The following ERI1 variants were observed in gnomAD, a reference collection of about 807,000 sequenced individuals.
ERI1 encodes exoribonuclease 1, also known as 3'-5' exoribonuclease 1.
Under a neutral mutation model 39.7 loss-of-function variants are expected in ERI1, and 39 were observed. That is an observed-to-expected ratio of 0.98 (90% CI 0.76 to 1.28). The LOEUF is 1.28. Ranked by LOEUF, ERI1 falls within the 50% of genes most tolerant of loss-of-function variation. The probability of loss-of-function intolerance (pLI) is 0.00; values close to 1 mark genes in which losing one functional copy is unlikely to be tolerated. For missense variants in ERI1, 581 were observed against 416.9 expected (o/e 1.39, Z -3.43); for synonymous variants, 204 against 149.6 (o/e 1.36, Z -2.65).
chr8:9,032,470 T>G lies in ERI1; in HGVS notation c.*2436T>G, dbSNP rs1797656697. 1 of 152,226 alleles carries G rather than the reference T, an allele frequency of 6.6e-6. No homozygotes were observed. The highest frequency in any genetic ancestry group is 1.5e-5 in the Non-Finnish European group (1 of 68,040). The allele number at this position is 152,226 out of a possible 1,614,324, so 9.4% of individuals were successfully genotyped here. A position where few individuals can be genotyped will look rare whatever the true frequency, so the allele number is the denominator to read the frequency against. On this transcript the variant is annotated 3_prime_UTR_variant, in exon 7 of 7. Transcript: ENST00000250263. ...ATTTGTGTTCTGTTGGATCAAGTAT[T>G]TAACATTTGCTCTGAAAAAAATGTT...
At position 9,005,934 on chromosome 8, in the gene ERI1, TG is replaced by T. The variant is rs1815971780; in HGVS notation, c.109-2035del. ...CCATACATCCACTTAATTGAATACGTGAATATTGCAAAATGTTACAGTTCTG... is the reference window on the plus strand; with the variant it reads ...CCATACATCCACTTAATTGAATACGTAATATTGCAAAATGTTACAGTTCTG... On this transcript the variant is annotated intron_variant, in intron 1 of 6. Coordinates refer to ENST00000250263, the MANE Select transcript of ERI1 (RefSeq NM_153332.4). 2.6e-5 allele frequency among the ~76,000 whole-genome samples: 4 copies of T among 152,352 alleles called. No individual in the cohort carries two copies. In the South Asian group the frequency reaches 8.3e-4, roughly 32 times the overall value.
intron 6 of ERI1, among the ~76,000 whole-genome samples, chr8:9,026,548 CAT>C (rs1426543144): frequency 5.3e-5 from 8 of 152,114 alleles, no homozygotes; most frequent in South Asian, 4.1e-4. Context: ...CATGTTGTAT[CAT>C]GTGTCAGAAT....
chr8:9,087,483 G>A (rs576769484), intron 3 of ERI1, among the ~76,000 whole-genome samples: 4 of 141,192 alleles, frequency 2.8e-5, no homozygotes, highest in Non-Finnish European at 4.5e-5. Context: ...GGCTGGTCTC[G>A]AACTCCTGAC....
intron 3 of ERI1, among the ~76,000 whole-genome samples, chr8:9,057,546 C>T (rs960598367): frequency 1.3e-5 from 2 of 152,160 alleles, no homozygotes; most frequent in Non-Finnish European, 2.9e-5. Context: ...GGCATCTAGT[C>T]ATTTGCTGAT....
intron 3 of ERI1, among the ~76,000 whole-genome samples, chr8:9,039,655 T>G (rs1352223883): frequency 1.3e-5 from 2 of 152,202 alleles, no homozygotes. Flanking sequence ...AACTAAGGTA[T>G]TTGGCTTTTG....
intron 3 of ERI1, among the ~76,000 whole-genome samples, chr8:9,089,496 A>G (rs771259057): frequency 2.0e-5 from 3 of 152,170 alleles, no homozygotes; most frequent in Non-Finnish European, 4.4e-5. Flanking sequence ...TCCATAGACC[A>G]CTGGTGGTTC....
intron 3 of ERI1, among the ~76,000 whole-genome samples, chr8:9,053,688 C>T (rs1305710684): frequency 4.6e-5 from 7 of 152,220 alleles, no homozygotes; most frequent in South Asian, 4.1e-4. Context: ...TGGCCCTGGA[C>T]GTTTTGTGGA....
chr8:9,011,772 T>A lies in ERI1; in HGVS notation c.498+20T>A. 6.5e-7 allele frequency: 1 copy of A among 1,541,598 alleles called. No homozygotes were observed. Among genetic ancestry groups the A allele is most frequent in the African/African-American group, 1.4e-5 (1 of 72,548 alleles). On this transcript the variant is annotated intron_variant, in intron 3 of 6. Coordinates refer to ENST00000250263, the MANE Select transcript of ERI1 (RefSeq NM_153332.4). ...GAAATAGTAAGTGAATTTTTGTATT[T>A]TAATTGTATTTCTAGCAGCAACTAT... is the stretch of plus-strand genomic sequence containing the variant.
Position 9,008,005 on chromosome 8 carries a change from A to C in ERI1, c.144A>C (p.Thr48=). The change falls in exon 2 of 7, where the codon ACA becomes ACC. Residue 48 remains threonine, a synonymous_variant. Coordinates refer to ENST00000250263, the MANE Select transcript of ERI1 (RefSeq NM_153332.4). ...AGTGTAAATTTGATGGCCAGGAGAC[A>C]AAAGGATCCAAGTTCATTACCTCCA... ...TQQCKFDGQE[T]KGSKFITSSA... 1.2e-6 allele frequency: 2 copies of C among 1,606,142 alleles called. No homozygotes were observed. The highest frequency in any genetic ancestry group is 1.1e-5 in the South Asian group (1 of 89,806).
intron 3 of ERI1, among the ~76,000 whole-genome samples, chr8:9,039,208 C>G (rs1797944165): frequency 6.6e-6 from 1 of 152,268 alleles, no homozygotes; most frequent in South Asian, 2.1e-4. Flanking sequence ...TTGGGAAAAT[C>G]CAACCTGTTA....
chr8:9,055,400 A>AGTTCTGT (rs1798475031), intron 3 of ERI1, among the ~76,000 whole-genome samples: 1 of 152,240 alleles, frequency 6.6e-6, no homozygotes, highest in Admixed American at 6.5e-5. Context: ...ACTGATGGTA[A>AGTTCTGT]TAAACGGAAT....
chr8:9,035,660 A>G (rs1797820008), downstream of ERI1, among the ~76,000 whole-genome samples: 1 of 152,248 alleles, frequency 6.6e-6, no homozygotes, highest in South Asian at 2.1e-4. Context: ...TGTTGGTTTT[A>G]ATGCCTACAA....
rs1797503956 is a variant in ERI1 at position 9,030,404 on chromosome 8, A to T, written c.*370A>T. On this transcript the variant is annotated 3_prime_UTR_variant, in exon 7 of 7. Transcript: ENST00000250263. ...AAATATGTAATGTGTTTCTTTATTA[A>T]CATCACTAGATGAAACCATATCTTA... The T allele has an allele frequency of 5.2e-6, 1 of 191,692 alleles. No individual in the cohort carries two copies. Among genetic ancestry groups the T allele is most frequent in the Non-Finnish European group, 1.1e-5 (1 of 89,486 alleles). 11.9% of individuals were successfully genotyped at this position (191,692 alleles called of 1,614,324 possible). A position where few individuals can be genotyped will look rare whatever the true frequency, so the allele number is the denominator to read the frequency against.
chr8:9,048,577 C>T (rs1320826691), intron 3 of ERI1: 1 of 153,680 alleles, frequency 6.5e-6, no homozygotes, highest in Admixed American at 6.5e-5. Context: ...CAGATAACAG[C>T]TGATGTGTGA....
At position 9,007,927 on chromosome 8, in the gene ERI1, A is replaced by T. The variant is rs1816194006; in HGVS notation, c.109-43A>T. The T allele has an allele frequency of 1.9e-6, 3 of 1,549,668 alleles. No individual in the cohort carries two copies. In the African/African-American group the frequency reaches 4.3e-5, roughly 22 times the overall value. ...TCTGTGATGTTTGTACTAATTATAA[A>T]CTACATCCTTTTTTTTTTTTTTTTT... On this transcript the variant is annotated intron_variant, in intron 1 of 6. Coordinates refer to ENST00000250263, the MANE Select transcript of ERI1 (RefSeq NM_153332.4).
rs2117156586 is a variant in ERI1 at position 9,003,136 on chromosome 8, G to C, written c.73G>C (p.Glu25Gln). Residue 25 changes from glutamate (E) to glutamine (Q), a missense_variant, in exon 1 of 7, where the codon GAG (glutamate) becomes CAG (glutamine). By Grantham distance (29) the Glu-to-Gln change is conservative. Transcript: ENST00000250263. ...CGCGCTGCTGGAGTCGCCGCGGCCG[G>C]AGGGCGGGGAGGAGCCGCCGCGTCC... ...ALALLESPRP[E>Q]GGEEPPRPSP... 3.2e-6 allele frequency: 4 copies of C among 1,244,598 alleles called. No homozygotes were observed. The highest frequency in any genetic ancestry group is 2.0e-6 in the Non-Finnish European group (2 of 990,230). 77.1% of individuals were successfully genotyped at this position (1,244,598 alleles called of 1,614,324 possible).
chr8:9,007,931 CATCCTTTTTTTTTT>C lies in ERI1; in HGVS notation c.109-38_109-25del, dbSNP rs1563307930. 5 of 1,460,042 alleles carry C rather than the reference CATCCTTTTTTTTTT, an allele frequency of 3.4e-6. 1 individual carries two copies. Among genetic ancestry groups the C allele is most frequent in the Non-Finnish European group, 2.7e-6 (3 of 1,105,012 alleles). The allele number at this position is 1,460,042 out of a possible 1,614,324, so 90.4% of individuals were successfully genotyped here. On this transcript the variant is annotated intron_variant, in intron 1 of 6. Transcript: ENST00000250263. ...TGATGTTTGTACTAATTATAAACTA[CATCCTTTTTTTTTT>C]TTTTTTTTTTTTTTTTTTTGGTAGG... is the stretch of plus-strand genomic sequence containing the variant.
Position 9,032,260 on chromosome 8 carries a change from T to C in ERI1, c.*2226T>C, listed in dbSNP as rs1376789475. The C allele has an allele frequency of 1.3e-5, 2 of 152,184 alleles. No homozygotes were observed. Among genetic ancestry groups the C allele is most frequent in the Non-Finnish European group, 2.9e-5 (2 of 68,048 alleles). 9.4% of individuals were successfully genotyped at this position (152,184 alleles called of 1,614,324 possible). On this transcript the variant is annotated 3_prime_UTR_variant, in exon 7 of 7. Transcript: ENST00000250263. ...TGTCCATGAAAACAATATTAGTATA[T>C]TCTATTATTGTTTCTTATTAATAGT... is the stretch of plus-strand genomic sequence containing the variant.
chr8:9,067,251 T>C (rs1452887908), intron 3 of ERI1, among the ~76,000 whole-genome samples: 2 of 152,160 alleles, frequency 1.3e-5, no homozygotes, highest in African/African-American at 4.8e-5. Context: ...TACACGTTCC[T>C]GTATCAGCCT....
Sources: allele counts gnomAD v4.1 joint callset (sites outside exome capture counted in the v4.1 genomes callset), GRCh38; gene constraint gnomAD v4.1.1; transcripts MANE v1.5; gene names NCBI Gene and HGNC (gene_info 2026-07-23, HGNC 2026-07-21).